Variants in AFAP1L2 observed in about 807,000 individuals in gnomAD.
The protein encoded by AFAP1L2 is actin filament associated protein 1 like 2.
In AFAP1L2, 46 loss-of-function variants were observed where a neutral mutation model predicts 99.3. The ratio of observed to expected loss-of-function variants is 0.46; its 90% CI spans 0.37 to 0.59. AFAP1L2 has a LOEUF of 0.59. Among genes scored for constraint, AFAP1L2 ranks in the 20% least tolerant of loss-of-function variants. The pLI is 0.00. For synonymous variants in AFAP1L2, 397 were observed against 419.1 expected, an observed-to-expected ratio of 0.95 and a Z score of 0.64; for missense variants, 959 against 1,034.9, an observed-to-expected ratio of 0.93 and a Z score of 1.01.
At chr10:114,386,866 C>T (rs550223348) in intron 1 of AFAP1L2, among the ~76,000 whole-genome samples, 7 of 152,216 alleles carry the variant, frequency 4.6e-5, no homozygotes, top group Non-Finnish European at 7.3e-5. Flanking sequence ...CTCCATGCTT[C>T]GCAAAATGAG....
chr10:114,341,528 G>T (rs2420057), intron 1 of AFAP1L2, among the ~76,000 whole-genome samples: 2 of 151,372 alleles, frequency 1.3e-5, no homozygotes, highest in Non-Finnish European at 2.9e-5. Flanking sequence ...CAGGAGAATC[G>T]CTTGAACCCG....
intron 2 of AFAP1L2, among the ~76,000 whole-genome samples, chr10:114,337,676 G>A (rs1450609468): frequency 6.6e-6 from 1 of 152,186 alleles, no homozygotes; most frequent in Non-Finnish European, 1.5e-5. Context: ...CCACATCATA[G>A]GTTAATTCAA....
At chr10:114,320,885 C>T (rs1188679042) in intron 5 of AFAP1L2, among the ~76,000 whole-genome samples, 1 of 152,226 alleles carries the variant, frequency 6.6e-6, no homozygotes. Flanking sequence ...CAGCACCGCA[C>T]CCTCGCCTTT....
downstream of AFAP1L2, among the ~76,000 whole-genome samples, chr10:114,294,494 C>CTTAA (rs763957672): frequency 8.5e-5 from 13 of 152,284 alleles, no homozygotes; most frequent in Non-Finnish European, 1.8e-4. Context: ...TATAAACTTC[C>CTTAA]TTAATTACTA....
intron 1 of AFAP1L2, among the ~76,000 whole-genome samples, chr10:114,348,653 T>C (rs867947378): frequency 1.3e-5 from 2 of 152,206 alleles, no homozygotes; most frequent in Admixed American, 6.5e-5. Context: ...TGCTCTACTT[T>C]AAGTTCACGC....
At chr10:114,308,003 A>AGG in intron 9 of AFAP1L2, 94 bp from the exon 10 acceptor site, 3 of 1,008,698 alleles carry the variant, frequency 3.0e-6, no homozygotes, top group Non-Finnish European at 4.7e-6. Flanking sequence ...TTTCCACTCC[A>AGG]TCCACCCATC....
chr10:114,298,206 C>A (rs971708119), intron 16 of AFAP1L2, among the ~76,000 whole-genome samples: 9 of 152,020 alleles, frequency 5.9e-5, no homozygotes, highest in Non-Finnish European at 1.2e-4. Flanking sequence ...GGTGAAATCC[C>A]ATCTCTACTA....
At chr10:114,385,543 G>A (rs2056390544) in intron 1 of AFAP1L2, among the ~76,000 whole-genome samples, 1 of 152,182 alleles carries the variant, frequency 6.6e-6, no homozygotes, top group African/African-American at 2.4e-5. Context: ...TGCCAGGTTG[G>A]CCGTGGGCTT....
chr10:114,336,484 TTACACAGTGGG>T (rs1297337142), intron 2 of AFAP1L2, among the ~76,000 whole-genome samples: 1 of 152,210 alleles, frequency 6.6e-6, no homozygotes, highest in East Asian at 1.9e-4. Context: ...AATCTGATCG[TTACACAGTGGG>T]TGGGAAATGA....
At chr10:114,284,395 T>C in the AFAP1L2 span, among the ~76,000 whole-genome samples, 2 of 152,136 alleles carry the variant, frequency 1.3e-5, no homozygotes, top group African/African-American at 4.8e-5. Flanking sequence ...TTAATTAAGG[T>C]GCCGGAGGAA....
intron 11 of AFAP1L2, among the ~76,000 whole-genome samples, 165 bp from the exon 12 acceptor site, chr10:114,302,649 C>G (rs763031663): frequency 5.9e-5 from 9 of 152,172 alleles, no homozygotes; most frequent in Non-Finnish European, 8.8e-5. Context: ...ATCCCACCCC[C>G]CAGTGGCCCC....
chr10:114,309,794 G>A (rs2042938270), intron 8 of AFAP1L2, among the ~76,000 whole-genome samples: 1 of 152,156 alleles, frequency 6.6e-6, no homozygotes, highest in African/African-American at 2.4e-5. Context: ...TTCCAATAAA[G>A]CTTCCCCCTG....
At chr10:114,315,176 C>T (rs902491959) in intron 6 of AFAP1L2, among the ~76,000 whole-genome samples, 1 of 151,706 alleles carries the variant, frequency 6.6e-6, no homozygotes, top group Admixed American at 6.6e-5. Context: ...AAAACAACAA[C>T]AAAAAACAGT....
At chr10:114,321,643 A>G (rs1469366228) in intron 5 of AFAP1L2, among the ~76,000 whole-genome samples, 1 of 152,204 alleles carries the variant, frequency 6.6e-6, no homozygotes, top group Non-Finnish European at 1.5e-5. Context: ...ATGCTTTGAA[A>G]GCCCTTTCAC....
At position 114,370,904 on chromosome 10, in the gene AFAP1L2, T is replaced by C. The variant is rs75794733; in HGVS notation, c.17-30173A>G. Among the ~76,000 whole-genome samples, 84 of 152,308 alleles carry C rather than the reference T, an allele frequency of 5.5e-4. 1 individual carries two copies. The East Asian group carries it at 0.013, about 23-fold the overall frequency. On this transcript the variant is annotated intron_variant, in intron 1 of 18. Transcript: ENST00000304129. ...TTTCCCCACTTTTCCATAAATCCCA[T>C]GTAACCGTTAAAGCCCAGTTCAAGT...
Position 114,379,858 on chromosome 10 carries a change from A to G in AFAP1L2, c.16+24582T>C, listed in dbSNP as rs575789809. ...TTTCCTTGCCTTACAACTCCCCAGA[A>G]AGTGGAAATTGGCCAAGGTCAAAGA... On this transcript the variant is annotated intron_variant, in intron 1 of 18. Coordinates refer to ENST00000304129, the MANE Select transcript of AFAP1L2 (RefSeq NM_001001936.3). Among the ~76,000 whole-genome samples, 6 of 152,334 alleles carry G rather than the reference A, an allele frequency of 3.9e-5. No individual in the cohort carries two copies. The South Asian group carries it at 1.2e-3, about 32-fold the overall frequency.
chr10:114,368,026 T>C (rs1472278715), intron 1 of AFAP1L2, among the ~76,000 whole-genome samples: 1 of 152,144 alleles, frequency 6.6e-6, no homozygotes, highest in Non-Finnish European at 1.5e-5. Flanking sequence ...AGTGAGTTGG[T>C]GCAGCACTGT....
intron 5 of AFAP1L2, among the ~76,000 whole-genome samples, chr10:114,321,506 T>C (rs974718115): frequency 3.3e-5 from 5 of 152,200 alleles, no homozygotes; most frequent in Admixed American, 3.3e-4. Flanking sequence ...CCCTCATTGG[T>C]TGATGGCACT....
intron 1 of AFAP1L2, among the ~76,000 whole-genome samples, chr10:114,354,723 A>G (rs1356347747): frequency 6.6e-6 from 1 of 152,204 alleles, no homozygotes; most frequent in Non-Finnish European, 1.5e-5. Flanking sequence ...CTCTTTTTCC[A>G]GTCTAACGAT....
Sources: allele counts gnomAD v4.1 joint callset (sites outside exome capture counted in the v4.1 genomes callset), GRCh38; gene constraint gnomAD v4.1.1; transcripts MANE v1.5; gene names NCBI Gene and HGNC (gene_info 2026-07-23, HGNC 2026-07-21).